The following ROBO2 variants were observed in gnomAD, a reference collection of about 807,000 sequenced individuals.
The protein encoded by ROBO2 is roundabout guidance receptor 2.
ROBO2 carries 53 observed loss-of-function variants against 160.8 expected under a neutral mutation model. That is an observed-to-expected ratio of 0.33 (90% CI 0.26 to 0.41). ROBO2 has a LOEUF of 0.41. Ranked by LOEUF, ROBO2 falls within the 10% of genes least tolerant of loss-of-function variation. The pLI is 1.00. For missense variants in ROBO2, 1,577 were observed against 1,722.4 expected (o/e 0.92, Z 1.49); for synonymous variants, 664 against 611.7 (o/e 1.09, Z -1.26).
At chr3:76,212,384 GA>G (rs1355970391) in intron 2 of ROBO2, among the ~76,000 whole-genome samples, 1 of 151,790 alleles carries the variant, frequency 6.6e-6, no homozygotes, top group Non-Finnish European at 1.5e-5. Flanking sequence ...TTAAAAGAGG[GA>G]CAGGGCCCGA....
At chr3:76,505,501 A>C (rs2107687254) in intron 2 of ROBO2, among the ~76,000 whole-genome samples, 1 of 152,248 alleles carries the variant, frequency 6.6e-6, no homozygotes, top group African/African-American at 2.4e-5. Flanking sequence ...ATATGTACTC[A>C]AGTTAAGATG....
At chr3:76,573,683 T>G (rs933473322) in intron 2 of ROBO2, among the ~76,000 whole-genome samples, 1 of 152,096 alleles carries the variant, frequency 6.6e-6, no homozygotes, top group Non-Finnish European at 1.5e-5. Flanking sequence ...ATAATTTATA[T>G]AGTTTTAAAA....
intron 2 of ROBO2, among the ~76,000 whole-genome samples, chr3:77,352,121 G>A (rs1040641421): frequency 3.0e-5 from 4 of 134,720 alleles, no homozygotes; most frequent in African/African-American, 1.1e-4. Context: ...AAAAAAAAAA[G>A]AGTCGCAGGT....
intron 2 of ROBO2, among the ~76,000 whole-genome samples, chr3:76,799,040 C>T (rs1353546884): frequency 6.6e-6 from 1 of 151,926 alleles, no homozygotes; most frequent in Admixed American, 6.6e-5. Flanking sequence ...TGGTGAAACC[C>T]CGTCTCTACT....
chr3:77,272,725 G>A (rs1291246781), intron 2 of ROBO2, among the ~76,000 whole-genome samples: 2 of 152,024 alleles, frequency 1.3e-5, no homozygotes, highest in Non-Finnish European at 2.9e-5. Context: ...TATCATAGTG[G>A]ATCATAGTTC....
intron 2 of ROBO2, among the ~76,000 whole-genome samples, chr3:76,807,642 A>G (rs1010830494): frequency 6.6e-6 from 1 of 152,072 alleles, no homozygotes; most frequent in Non-Finnish European, 1.5e-5. Context: ...TCTTTTGAAT[A>G]ACATTCCCAT....
intron 2 of ROBO2, among the ~76,000 whole-genome samples, chr3:77,226,161 C>T (rs1436096887): frequency 1.3e-5 from 2 of 151,936 alleles, no homozygotes; most frequent in Non-Finnish European, 2.9e-5. Context: ...TTAAGTTAAG[C>T]AAACAACAAG....
chr3:75,956,059 C>T (rs1202132176), intron 2 of ROBO2, among the ~76,000 whole-genome samples: 1 of 151,772 alleles, frequency 6.6e-6, no homozygotes, highest in African/African-American at 2.4e-5. Flanking sequence ...CAGTGCTTTA[C>T]ATCACTGTTG....
At chr3:77,644,588 T>TCAGGACCGGA in intron 24 of ROBO2, 116 bp from the exon 27 acceptor site, 1 of 914,422 alleles carries the variant, frequency 1.1e-6, no homozygotes, top group Non-Finnish European at 1.7e-6. Flanking sequence ...AATTTTAATT[T>TCAGGACCGGA]TATTAAAGAA....
chr3:76,780,419 G>A (rs1478326718), intron 2 of ROBO2, among the ~76,000 whole-genome samples: 2 of 150,830 alleles, frequency 1.3e-5, no homozygotes, highest in African/African-American at 4.8e-5. Flanking sequence ...CTGTGTAGAA[G>A]CTTTTTAGTT....
At chr3:77,260,961 G>A (rs4683968) in intron 2 of ROBO2, among the ~76,000 whole-genome samples, 79,836 of 151,826 alleles carry the variant, frequency 0.53, 21,665 homozygotes, top group Middle Eastern at 0.71. Context: ...CCTCTTGGAA[G>A]CCTCCTCCTG....
chr3:76,215,233 G>A (rs1703426879), intron 2 of ROBO2, among the ~76,000 whole-genome samples: 2 of 152,082 alleles, frequency 1.3e-5, no homozygotes. Context: ...AGAAAAACCG[G>A]AAACTCTAAA....
At chr3:76,053,533 AC>A (rs2067726535) in intron 2 of ROBO2, among the ~76,000 whole-genome samples, 3 of 152,110 alleles carry the variant, frequency 2.0e-5, no homozygotes. Context: ...GATACATCCT[AC>A]ATGAAAACAT....
rs1486177185 is a variant in ROBO2 at position 76,949,476 on chromosome 3, C to G, written c.110-148538C>G. Among the ~76,000 whole-genome samples the G allele has an allele frequency of 2.6e-5, 4 of 152,082 alleles. 1 individual carries two copies. The highest frequency in any genetic ancestry group is 2.9e-5 in the Non-Finnish European group (2 of 68,012). ...GTGTAACTATGAAATCTCAAATAGC[C>G]TTTTTTAAAAATATGCAGAATTCAA... On this transcript the variant is annotated intron_variant, in intron 2 of 26. Coordinates refer to the ROBO2 transcript ENST00000487694.
intron 2 of ROBO2, among the ~76,000 whole-genome samples, chr3:76,991,703 G>A (rs1392663149): frequency 6.6e-6 from 1 of 152,164 alleles, no homozygotes; most frequent in Non-Finnish European, 1.5e-5. Flanking sequence ...TGCTTTTGAT[G>A]TGTTGTGCAT....
intron 2 of ROBO2, among the ~76,000 whole-genome samples, chr3:77,141,863 T>C (rs2076732016): frequency 6.6e-6 from 1 of 152,338 alleles, no homozygotes; most frequent in African/African-American, 2.4e-5. Flanking sequence ...ATTGTATGAA[T>C]TGCACTAATA....
chr3:77,413,490 T>G, intron 2 of ROBO2, among the ~76,000 whole-genome samples: 1 of 152,110 alleles, frequency 6.6e-6, no homozygotes, highest in Non-Finnish European at 1.5e-5. Context: ...ATTGAAAGGT[T>G]TGCGTTTTGT....
chr3:77,292,384 T>G (rs1392466665), intron 2 of ROBO2, among the ~76,000 whole-genome samples: 1 of 151,124 alleles, frequency 6.6e-6, no homozygotes, highest in African/African-American at 2.4e-5. Flanking sequence ...TGAGGCTAGA[T>G]CACCAAAGAC....
chr3:75,972,302 A>G (rs2065019652), intron 2 of ROBO2, among the ~76,000 whole-genome samples: 1 of 151,702 alleles, frequency 6.6e-6, no homozygotes, highest in Non-Finnish European at 1.5e-5. Context: ...ATGGGAGTGC[A>G]AAGTTAAGAA....
Sources: allele counts gnomAD v4.1 joint callset (sites outside exome capture counted in the v4.1 genomes callset), GRCh38; gene constraint gnomAD v4.1.1; transcripts MANE v1.5; gene names NCBI Gene and HGNC (gene_info 2026-07-23, HGNC 2026-07-21).